Variants in MRC1 observed in about 807,000 individuals in gnomAD.
The protein encoded by MRC1 is macrophage mannose receptor 1.
A neutral mutation model predicts 102.9 loss-of-function variants in MRC1; 62 were observed. The ratio of observed to expected loss-of-function variants is 0.60; its 90% CI spans 0.49 to 0.74. The LOEUF is 0.74. Among genes scored for constraint, MRC1 ranks in the 30% least tolerant of loss-of-function variants. MRC1 has a pLI of 0.00. For missense variants in MRC1, 1,237 were observed against 862.8 expected (o/e 1.43, Z -5.43); for synonymous variants, 457 against 298.4 (o/e 1.53, Z -5.48).
At chr10:17,892,480 T>C (rs1444100534) in intron 22 of MRC1, among the ~76,000 whole-genome samples, 1 of 152,202 alleles carries the variant, frequency 6.6e-6, no homozygotes, top group African/African-American at 2.4e-5. Context: ...CAGCTGTTTG[T>C]CTTGTGACCT....
chr10:17,890,011 G>T lies in MRC1; in HGVS notation c.3148-4199G>T, dbSNP rs1236681223. On this transcript the variant is annotated intron_variant, in intron 22 of 29. Coordinates refer to ENST00000569591, the MANE Select transcript of MRC1 (RefSeq NM_002438.4). ...CATTTCTTTCAAGCTAAGTTTACAGGCAACAAATTTTCTCAATGTTTGTTT... is the reference window on the plus strand; with the variant it reads ...CATTTCTTTCAAGCTAAGTTTACAGTCAACAAATTTTCTCAATGTTTGTTT... Among the ~76,000 whole-genome samples, 8 of 151,934 alleles carry T rather than the reference G, an allele frequency of 5.3e-5. No individual in the cohort carries two copies. In the South Asian group the frequency reaches 1.7e-3, roughly 32 times the overall value.
intron 1 of MRC1, among the ~76,000 whole-genome samples, chr10:17,811,438 A>G (rs1366575322): frequency 6.6e-6 from 1 of 152,186 alleles, no homozygotes; most frequent in Non-Finnish European, 1.5e-5. Context: ...CTTCCTCTTC[A>G]TAGGCACAAA....
Position 17,894,353 on chromosome 10 carries a change from T to G in MRC1, c.3250+41T>G, listed in dbSNP as rs941480721. 406 of 845,954 alleles carry G rather than the reference T, an allele frequency of 4.8e-4. 2 individuals are homozygous for G. The Middle Eastern group carries it at 5.1e-3, about 11-fold the overall frequency. The allele number at this position is 845,954 out of a possible 1,614,324, so 52.4% of individuals were successfully genotyped here. On this transcript the variant is annotated intron_variant, in intron 23 of 29. Coordinates refer to ENST00000569591, the MANE Select transcript of MRC1 (RefSeq NM_002438.4). ...CCTTACCTTCCTGAAAGAGCTGGGGTTTTTTTTTCCCCACTTTTTTCTTTC... is the reference window on the plus strand; with the variant it reads ...CCTTACCTTCCTGAAAGAGCTGGGGGTTTTTTTTCCCCACTTTTTTCTTTC...
chr10:17,876,056 G>A (rs1200697010), intron 17 of MRC1, among the ~76,000 whole-genome samples: 5 of 152,152 alleles, frequency 3.3e-5, no homozygotes, highest in Middle Eastern at 3.4e-3. Flanking sequence ...ATTGATTTAA[G>A]GATGGAACAG....
At chr10:17,867,982 C>T (rs2130672042) in intron 12 of MRC1, among the ~76,000 whole-genome samples, 1 of 152,254 alleles carries the variant, frequency 6.6e-6, no homozygotes, top group African/African-American at 2.4e-5. Flanking sequence ...AATATTCTAC[C>T]ACTATTTAAT....
chr10:17,838,093 T>G (rs1479496196), intron 4 of MRC1, among the ~76,000 whole-genome samples: 1 of 152,072 alleles, frequency 6.6e-6, no homozygotes, highest in African/African-American at 2.4e-5. Flanking sequence ...GTTAGGAAAC[T>G]TGCTTAATGC....
intron 1 of MRC1, among the ~76,000 whole-genome samples, chr10:17,811,826 A>C (rs1838227920): frequency 6.6e-6 from 1 of 151,862 alleles, no homozygotes; most frequent in South Asian, 2.1e-4. Context: ...GGCTCTGGTG[A>C]TCCTCCCACT....
chr10:17,858,935 C>G (rs1344838717), intron 9 of MRC1, among the ~76,000 whole-genome samples: 1 of 152,156 alleles, frequency 6.6e-6, no homozygotes, highest in Non-Finnish European at 1.5e-5. Flanking sequence ...GTTGTTCAAC[C>G]TTCTCATTCT....
chr10:17,876,639 A>G (rs1305784954), intron 17 of MRC1, among the ~76,000 whole-genome samples: 10 of 152,206 alleles, frequency 6.6e-5, no homozygotes, highest in African/African-American at 2.4e-4. Context: ...ATTTGCAAAG[A>G]TTATAATTCT....
At chr10:17,839,636 C>A (rs1057219798) in intron 4 of MRC1, among the ~76,000 whole-genome samples, 4 of 151,792 alleles carry the variant, frequency 2.6e-5, no homozygotes, top group African/African-American at 7.3e-5. Context: ...TAGTGAGACT[C>A]CATCTCTAAA....
intron 5 of MRC1, among the ~76,000 whole-genome samples, chr10:17,841,471 A>G (rs1322727936): frequency 6.6e-6 from 1 of 152,242 alleles, no homozygotes; most frequent in East Asian, 1.9e-4. Flanking sequence ...TAGTTTATAG[A>G]AAAACAGAGT....
At chr10:17,834,168 A>G (rs1195742588) in intron 4 of MRC1, among the ~76,000 whole-genome samples, 1 of 152,182 alleles carries the variant, frequency 6.6e-6, no homozygotes, top group Non-Finnish European at 1.5e-5. Context: ...ATCCTGGTCA[A>G]GTATCCATCA....
intron 16 of MRC1, 132 bp from the exon 17 acceptor site, chr10:17,874,958 G>C: frequency 1.4e-6 from 1 of 735,700 alleles, no homozygotes; most frequent in Non-Finnish European, 2.5e-6. Context: ...ACATTCTGCT[G>C]TTCTGGTCTC....
intron 7 of MRC1, among the ~76,000 whole-genome samples, chr10:17,852,458 T>C (rs1457450963): frequency 6.6e-6 from 1 of 152,202 alleles, no homozygotes; most frequent in Non-Finnish European, 1.5e-5. Flanking sequence ...TTAACGGAAG[T>C]ATCTAGAATG....
At chr10:17,878,262 C>G (rs1322643984) in intron 18 of MRC1, among the ~76,000 whole-genome samples, 1 of 152,142 alleles carries the variant, frequency 6.6e-6, no homozygotes, top group Admixed American at 6.5e-5. Flanking sequence ...TTGTTTTAGA[C>G]ATATACAAAT....
Position 17,877,922 on chromosome 10 carries a change from C to G in MRC1, c.2573C>G (p.Ser858Cys). ...CAGGTAAACAGAAATGATGCACAGT[C>G]TGCATATTTTATTGGTTTATTGATC... ...WKYVNRNDAQ[S>C]AYFIGLLISL... The change falls in exon 18 of 30, where the codon TCT becomes TGT. Residue 858 changes from serine (S) to cysteine (C), a missense_variant. Physicochemically the swap from Ser to Cys is moderately radical, Grantham distance 112 (BLOSUM62 -1). Transcript: ENST00000569591. 1.1e-6 allele frequency: 1 copy of G among 872,072 alleles called. No individual in the cohort carries two copies. The highest frequency in any genetic ancestry group is 2.0e-6 in the Non-Finnish European group (1 of 501,210). 54.0% of individuals were successfully genotyped at this position (872,072 alleles called of 1,614,324 possible).
chr10:17,861,788 T>C (rs1033597054), intron 10 of MRC1, among the ~76,000 whole-genome samples: 11 of 152,196 alleles, frequency 7.2e-5, no homozygotes, highest in African/African-American at 1.2e-4. Context: ...CCATTCGACG[T>C]TGAATTTTTT....
intron 1 of MRC1, among the ~76,000 whole-genome samples, chr10:17,810,723 G>A (rs1168724386): frequency 6.6e-6 from 1 of 152,194 alleles, no homozygotes; most frequent in Non-Finnish European, 1.5e-5. Flanking sequence ...TGCCTTATAA[G>A]TGTTAGCTAT....
At position 17,910,363 on chromosome 10, in the gene MRC1, C is replaced by T; in HGVS notation, c.4269C>T (p.Ala1423=). 1 of 780,664 alleles carries T rather than the reference C, an allele frequency of 1.3e-6. No homozygotes were observed. Among genetic ancestry groups the T allele is most frequent in the Non-Finnish European group, 2.4e-6 (1 of 417,944 alleles). 48.4% of individuals were successfully genotyped at this position (780,664 alleles called of 1,614,324 possible). Reference sequence around the variant, plus strand: ...GTGTGCACCTACCTCAAGAGGGCGCCTTTGAAAACACTCTGTATTTTAACA... The same window carrying T: ...GTGTGCACCTACCTCAAGAGGGCGCTTTTGAAAACACTCTGTATTTTAACA... ...KRRVHLPQEG[A]FENTLYFNSQ... The change falls in exon 30 of 30, where the codon GCC becomes GCT. Residue 1423 remains alanine (A), a synonymous_variant. Transcript: ENST00000569591.
Sources: gnomAD v4.1 joint callset for allele counts (sites outside exome capture counted in the v4.1 genomes callset) on GRCh38, gnomAD v4.1.1 for gene constraint, MANE v1.5 for transcripts, NCBI Gene and HGNC (gene_info 2026-07-23, HGNC 2026-07-21) for gene names.